Variants in LTBP4 observed in about 807,000 individuals in gnomAD.
LTBP4 encodes the protein latent-transforming growth factor beta-binding protein 4.
A neutral mutation model predicts 180.2 loss-of-function variants in LTBP4; 93 were observed. The ratio of observed to expected loss-of-function variants is 0.52; its 90% confidence interval spans 0.44 to 0.61. The LOEUF (loss-of-function observed/expected upper bound fraction) is 0.61, where lower values mean the gene tolerates loss of function less well. LTBP4 is among the 20% of genes least tolerant of loss of function. LTBP4 has a pLI of 0.00. For synonymous variants in LTBP4, 947 were observed against 934.5 expected (o/e 1.01, Z -0.24); for missense variants, 2,116 against 2,256.5 (o/e 0.94, Z 1.26).
intron 28 of LTBP4, 118 bp from the exon 29 acceptor site, chr19:40,627,587 C>G (rs2081645044): frequency 6.4e-6 from 9 of 1,401,918 alleles, no homozygotes; most frequent in Non-Finnish European, 6.7e-6. Context: ...CGCCACAGCC[C>G]TGGAGCGGGA....
At chr19:40,594,428 C>T (rs1568398118) in intron 1 of LTBP4, 1 of 152,012 alleles carries the variant, frequency 6.6e-6, no homozygotes, top group Non-Finnish European at 1.5e-5. Context: ...GGAGGGGAGG[C>T]TAACGCCGGA....
intron 19 of LTBP4, among the ~76,000 whole-genome samples, chr19:40,616,344 A>C (rs1349386133): frequency 3.3e-5 from 5 of 150,094 alleles, no homozygotes; most frequent in Admixed American, 6.6e-5. Flanking sequence ...TAATCCCAGC[A>C]CTTTGGAAGG....
At position 40,613,433 on chromosome 19, in the gene LTBP4, T is replaced by C; in HGVS notation, c.2461T>C (p.Cys821Arg). 1 of 1,605,956 alleles carries C rather than the reference T, an allele frequency of 6.2e-7. No individual in the cohort carries two copies. The highest frequency in any genetic ancestry group is 8.5e-7 in the Non-Finnish European group (1 of 1,176,642). Reference protein sequence around the residue: ...DVNECLEGDFCFPHGECLNTD... With the variant: ...DVNECLEGDFRFPHGECLNTD... ...GAACGAGTGCCTGGAGGGCGATTTCTGCTTCCCTCACGGCGAGTGCCTCAA... is the reference window on the plus strand; with the variant it reads ...GAACGAGTGCCTGGAGGGCGATTTCCGCTTCCCTCACGGCGAGTGCCTCAA... Residue 821 changes from cysteine to arginine, a missense_variant, in exon 17 of 30, where the codon TGC becomes CGC. Cys to Arg is a radical substitution (Grantham distance 180). This residue lies in a region of LTBP4 where 877 missense variants were observed against 873.6 expected (regional missense o/e 1.00). Coordinates refer to ENST00000396819, the MANE Select transcript of LTBP4 (RefSeq NM_001042545.2). The surrounding 1 kb of genome is among the most constrained non-coding windows in gnomAD (Gnocchi z 5.0).
At chr19:40,602,277 G>A (rs1041528192) in intron 1 of LTBP4, among the ~76,000 whole-genome samples, 1 of 150,960 alleles carries the variant, frequency 6.6e-6, no homozygotes. Context: ...TACGGAAGGG[G>A]CGCCCCCTGG....
Position 40,605,732 on chromosome 19 carries a change from G to T in LTBP4, c.694G>T (p.Ala232Ser). The T allele has an allele frequency of 6.5e-7, 1 of 1,546,284 alleles. No individual in the cohort carries two copies. The change falls in exon 4 of 30, where the codon GCG becomes TCG. Residue 232 changes from alanine (A) to serine (S), a missense_variant. By Grantham distance (99) the Ala-to-Ser change is moderately conservative (BLOSUM62 1). Coordinates refer to ENST00000396819, the MANE Select transcript of LTBP4 (RefSeq NM_001042545.2). The surrounding 1 kb of genome is among the most constrained non-coding windows in gnomAD (Gnocchi z 5.5). ...CTCACCCAACACTTCCCCGCAGTGCGCGTCCCCGCTGCCCGGGCTCCGGAC... is the reference window on the plus strand; with the variant it reads ...CTCACCCAACACTTCCCCGCAGTGCTCGTCCCCGCTGCCCGGGCTCCGGAC... The part of the protein sequence containing the change: ...CFRELRGGEC[A>S]SPLPGLRTQE...
At position 40,601,570 on chromosome 19, in the gene LTBP4, C is replaced by T. The variant is rs2081424383; in HGVS notation, c.183C>T (p.Arg61=). ...GCTGTACCCCGACCTGCGCGCCCCG[C>T]AACGCCACCAGCGTGGACAGCGGCG... ...GSRCTPTCAP[R]NATSVDSGAP... Residue 61 remains arginine (R), a synonymous_variant, in exon 1 of 30, where the codon CGC becomes CGT. Coordinates refer to ENST00000396819, the MANE Select transcript of LTBP4 (RefSeq NM_001042545.2). The T allele has an allele frequency of 6.8e-7, 1 of 1,471,952 alleles. No individual in the cohort carries two copies. The highest frequency in any genetic ancestry group is 9.0e-7 in the Non-Finnish European group (1 of 1,117,224). The allele number at this position is 1,471,952 out of a possible 1,614,324, so 91.2% of individuals were successfully genotyped here.
In LTBP4 at chr19:40,609,661, G is replaced by A. The variant is rs2081489847; in HGVS notation, c.1558G>A (p.Asp520Asn). The A allele has an allele frequency of 1.2e-6, 2 of 1,613,168 alleles. No individual in the cohort carries two copies. The highest frequency in any genetic ancestry group is 1.1e-5 in the South Asian group (1 of 91,066). Residue 520 changes from aspartate to asparagine, a missense_variant and splice_region_variant, in exon 10 of 30, where the codon GAT (aspartate) becomes AAT (asparagine). This residue lies in a region of LTBP4 where 877 missense variants were observed against 873.6 expected (regional missense o/e 1.00). Transcript: ENST00000396819. This position sits in a 1 kb window ranked among gnomAD's most constrained non-coding sequence, Gnocchi z 4.9. ...RLSPQGTRCI[D>N]VDECRRVPPP... is the part of the protein sequence containing the mutation. ...CAGCCCCCAGGGCACCCGATGCATT[G>A]GTGAGCAAGACGGAGGGCGCGGAAG...
chr19:40,614,804 A>C (rs548303083), intron 19 of LTBP4, among the ~76,000 whole-genome samples: 14 of 152,112 alleles, frequency 9.2e-5, no homozygotes, highest in African/African-American at 3.4e-4. Context: ...TCCTAACAGA[A>C]GTTTGGACGT....
At chr19:40,608,927 C>G (rs2081484863) in intron 9 of LTBP4, 1 of 196,908 alleles carries the variant, frequency 5.1e-6, no homozygotes, top group Non-Finnish European at 9.2e-6. Context: ...AAAAAGAATT[C>G]AGGGCATTGA....
chr19:40,624,062 CCAA>C lies in LTBP4; in HGVS notation c.3814_3816del (p.Asn1272del). The C allele has an allele frequency of 6.4e-7, 1 of 1,574,422 alleles. No individual in the cohort carries two copies. Among genetic ancestry groups the C allele is most frequent in the South Asian group, 1.1e-5 (1 of 87,710 alleles). ...GATGGCTCGCAGCGCCGCTGCGTCTCCAACGAGAGCCAGAGCCTCGGTAACCCC... is the reference window on the plus strand; with the variant it reads ...GATGGCTCGCAGCGCCGCTGCGTCTCCGAGAGCCAGAGCCTCGGTAACCCC... On this transcript the variant is annotated inframe_deletion, in exon 26 of 30. Transcript: ENST00000396819.
chr19:40,595,246 T>C (rs1010558239), intron 1 of LTBP4, among the ~76,000 whole-genome samples: 1 of 152,078 alleles, frequency 6.6e-6, no homozygotes. Context: ...GCTCTGAGGG[T>C]GGTGCCTTAG....
At position 40,627,830 on chromosome 19, in the gene LTBP4, C is replaced by A. The variant is rs757830591; in HGVS notation, c.4492C>A (p.Leu1498Met). 6.4e-7 allele frequency: 1 copy of A among 1,570,024 alleles called. No homozygotes were observed. ...FTCRCFDGYR[L>M]DMTRMACVDI... Reference sequence around the variant, plus strand: ...CTGCCGTTGCTTCGACGGCTACCGCCTGGACATGACCCGCATGGCCTGCGT... The same window carrying A: ...CTGCCGTTGCTTCGACGGCTACCGCATGGACATGACCCGCATGGCCTGCGT... The change falls in exon 29 of 30, where the codon CTG (leucine) becomes ATG (methionine). Residue 1498 changes from leucine to methionine, a missense_variant. By Grantham distance (15) the Leu-to-Met change is conservative. Coordinates refer to ENST00000396819, the MANE Select transcript of LTBP4 (RefSeq NM_001042545.2).
chr19:40,594,110 G>T (rs574277209), intron 1 of LTBP4, among the ~76,000 whole-genome samples: 40 of 152,018 alleles, frequency 2.6e-4, no homozygotes, highest in Non-Finnish European at 5.6e-4. Context: ...GAGGGGGTGG[G>T]GGGGGAGAGA....
At position 40,614,393 on chromosome 19, in the gene LTBP4, G is replaced by C; in HGVS notation, c.2759G>C (p.Cys920Ser). 1 of 1,600,310 alleles carries C rather than the reference G, an allele frequency of 6.2e-7. No homozygotes were observed. Among genetic ancestry groups the C allele is most frequent in the Non-Finnish European group, 8.5e-7 (1 of 1,179,794 alleles). Residue 920 changes from cysteine (C) to serine (S), a missense_variant, in exon 19 of 30, where the codon TGT becomes TCT. By Grantham distance (112) the Cys-to-Ser change is moderately radical. Around this residue, in one of 5 missense-constraint regions of LTBP4, gnomAD observed 877 missense variants for 873.6 expected, o/e 1.00. Transcript: ENST00000396819. ...GAGAACTCTCCCGGCTCCTACCGCTGTGTCCGGGACTGCGATCCTGGGTAC... is the reference window on the plus strand; with the variant it reads ...GAGAACTCTCCCGGCTCCTACCGCTCTGTCCGGGACTGCGATCCTGGGTAC... Reference protein sequence around the residue: ...RCENSPGSYRCVRDCDPGYHA... With the variant: ...RCENSPGSYRSVRDCDPGYHA...
At chr19:40,596,815 C>T (rs111905623), upstream of LTBP4, among the ~76,000 whole-genome samples, 308 of 152,140 alleles carry the variant, frequency 2.0e-3, no homozygotes, top group Admixed American at 6.7e-3. Context: ...ACCGAATTCT[C>T]CCAGAACTGG....
At position 40,612,168 on chromosome 19, in the gene LTBP4, C is replaced by T. The variant is rs772806628; in HGVS notation, c.2275C>T (p.His759Tyr). Residue 759 changes from histidine (H) to tyrosine (Y), a missense_variant, in exon 15 of 30, where the codon CAC becomes TAC. Around this residue, in one of 5 missense-constraint regions of LTBP4, gnomAD observed 877 missense variants for 873.6 expected, o/e 1.00. Transcript: ENST00000396819. ...FQCRTCPSGH[H>Y]LHRGRCTDVD... ...GTGCAGGACCTGTCCTTCTGGCCAC[C>T]ACCTGCACCGTGGCAGATGCACTGG... 2 of 1,609,386 alleles carry T rather than the reference C, an allele frequency of 1.2e-6. No individual in the cohort carries two copies. The highest frequency in any genetic ancestry group is 1.7e-6 in the Non-Finnish European group (2 of 1,178,174).
At position 40,606,269 on chromosome 19, in the gene LTBP4, G is replaced by T; in HGVS notation, c.830G>T (p.Cys277Phe). 1 of 1,599,916 alleles carries T rather than the reference G, an allele frequency of 6.3e-7. No homozygotes were observed. Among genetic ancestry groups the T allele is most frequent in the Admixed American group, 1.7e-5 (1 of 58,230 alleles). Residue 277 changes from cysteine to phenylalanine, a missense_variant, in exon 5 of 30, where the codon TGT (cysteine) becomes TTT (phenylalanine). This residue lies in a region of LTBP4 where 469 missense variants were observed against 532.5 expected (regional missense o/e 0.88). Transcript: ENST00000396819. Reference sequence around the variant, plus strand: ...AGAGTGAGCGCCCCAGATGGACCTTGTCCAACCGGCTTTGAAAGAGTTAAT... The same window carrying T: ...AGAGTGAGCGCCCCAGATGGACCTTTTCCAACCGGCTTTGAAAGAGTTAAT... The part of the protein sequence containing the change: ...SERVSAPDGP[C>F]PTGFERVNGS...
At chr19:40,597,107 G>T (rs1015630086), upstream of LTBP4, 16 of 926,844 alleles carry the variant, frequency 1.7e-5, 1 homozygote, top group South Asian at 5.0e-5. Context: ...TTCGCAGCCC[G>T]TGGCTGGACT....
intron 1 of LTBP4, among the ~76,000 whole-genome samples, chr19:40,595,855 C>T (rs1358245401): frequency 6.6e-6 from 1 of 151,402 alleles, no homozygotes; most frequent in Non-Finnish European, 1.5e-5. Context: ...CTCATCCTCC[C>T]GAGTAGCTGG....
Sources: allele counts gnomAD v4.1 joint callset (sites outside exome capture counted in the v4.1 genomes callset), GRCh38; gene constraint gnomAD v4.1.1; regional missense constraint gnomAD v4.1.1; non-coding constraint Gnocchi (gnomAD v3.1); transcripts MANE v1.5; gene names NCBI Gene and HGNC (gene_info 2026-07-23, HGNC 2026-07-21).